The following GRIN2A variants were observed in gnomAD, a reference collection of about 807,000 sequenced individuals.
The protein encoded by GRIN2A is glutamate receptor ionotropic, NMDA 2A.
A neutral mutation model predicts 113.4 loss-of-function variants in GRIN2A; 22 were observed. The observed-to-expected ratio is 0.19, with a 90% CI of 0.14 to 0.28. GRIN2A has a LOEUF of 0.28. Among genes scored for constraint, GRIN2A ranks in the 10% least tolerant of loss-of-function variants. GRIN2A has a pLI of 1.00. For synonymous variants in GRIN2A, 827 were observed against 738.4 expected (o/e 1.12, Z -1.94); for missense variants, 1,502 against 1,887.0 (o/e 0.80, Z 3.78).
chr16:9,765,215 G>A (rs1287512162), intron 12 of GRIN2A, among the ~76,000 whole-genome samples: 7 of 152,160 alleles, frequency 4.6e-5, no homozygotes, highest in South Asian at 2.1e-4. Flanking sequence ...GGTATCAACC[G>A]ATGCTCATAC....
intron 2 of GRIN2A, among the ~76,000 whole-genome samples, chr16:10,071,797 A>G (rs143727482): frequency 1.3e-5 from 2 of 152,334 alleles, no homozygotes; most frequent in East Asian, 3.9e-4. Context: ...ACCCAAGAGG[A>G]GAAGTGGACG....
At chr16:9,947,259 C>T (rs924237282) in intron 2 of GRIN2A, among the ~76,000 whole-genome samples, 1 of 152,026 alleles carries the variant, frequency 6.6e-6, no homozygotes, top group Admixed American at 6.5e-5. Flanking sequence ...TTGTTTTTCT[C>T]TAATATGTGC....
chr16:10,164,580 G>A (rs1234399570), intron 2 of GRIN2A, among the ~76,000 whole-genome samples: 1 of 152,186 alleles, frequency 6.6e-6, no homozygotes, highest in East Asian at 1.9e-4. Flanking sequence ...ACATATTAAA[G>A]CAATGATTGA....
intron 2 of GRIN2A, among the ~76,000 whole-genome samples, chr16:9,952,527 C>A (rs897040963): frequency 1.3e-5 from 2 of 152,208 alleles, no homozygotes; most frequent in South Asian, 4.1e-4. Context: ...GAGGGTAGGT[C>A]CATGCCTCTC....
chr16:9,813,756 A>G (rs1659865672), intron 10 of GRIN2A, among the ~76,000 whole-genome samples: 1 of 151,588 alleles, frequency 6.6e-6, no homozygotes, highest in African/African-American at 2.4e-5. Context: ...AAAACTTTCT[A>G]ACTCTATGAT....
Position 9,764,660 on chromosome 16 carries a change from C to G in GRIN2A, c.2884G>C (p.Glu962Gln), listed in dbSNP as rs765370528. 7.4e-6 allele frequency: 12 copies of G among 1,614,052 alleles called. No individual in the cohort carries two copies. The highest frequency in any genetic ancestry group is 1.0e-5 in the Non-Finnish European group (12 of 1,179,950). ...CGGTTGGCCACAAATGTTTGGAGTT[C>G]GTTCATGTTGTCTCCAAAAATGCTC... The part of the protein sequence containing the change: ...KESIFGDNMN[E>Q]LQTFVANRQK... Residue 962 changes from glutamate (E) to glutamine (Q), a missense_variant, in exon 13 of 13, where the codon GAA (glutamate) becomes CAA (glutamine). Glu to Gln is a conservative substitution (Grantham distance 29). Transcript: ENST00000330684.
At position 9,760,717 on chromosome 16, in the gene GRIN2A, G is replaced by A. The variant is rs1430472566; in HGVS notation, c.*2432C>T. ...ATTTGGCAGCCCCCTGGGTTTAGAG[G>A]ACACCAGAGGAAGACAGAAAGCCTC... On this transcript the variant is annotated 3_prime_UTR_variant, in exon 13 of 13. Transcript: ENST00000330684. 8.8e-6 allele frequency: 2 copies of A among 227,616 alleles called. No homozygotes were observed. Among genetic ancestry groups the A allele is most frequent in the African/African-American group, 2.2e-5 (1 of 45,000 alleles). 14.1% of individuals were successfully genotyped at this position (227,616 alleles called of 1,614,324 possible). A position where few individuals can be genotyped will look rare whatever the true frequency, so the allele number is the denominator to read the frequency against.
chr16:9,845,156 CA>C (rs1009232474), intron 5 of GRIN2A, among the ~76,000 whole-genome samples: 15 of 152,072 alleles, frequency 9.9e-5, no homozygotes, highest in African/African-American at 3.6e-4. Flanking sequence ...CTCATATCCC[CA>C]AGCGGAAGAA....
chr16:10,049,288 C>A (rs539697495), intron 2 of GRIN2A, among the ~76,000 whole-genome samples: 1 of 152,248 alleles, frequency 6.6e-6, no homozygotes, highest in South Asian at 2.1e-4. Context: ...TTTACTCTAT[C>A]TCAGGCACTG....
chr16:9,910,679 A>T (rs1354261604), intron 3 of GRIN2A, among the ~76,000 whole-genome samples: 2 of 151,890 alleles, frequency 1.3e-5, no homozygotes, highest in Non-Finnish European at 2.9e-5. Flanking sequence ...CTGGGACTAC[A>T]GGTGCCCACC....
intron 2 of GRIN2A, chr16:10,112,677 G>C (rs980802244): frequency 2.6e-6 from 2 of 756,988 alleles, no homozygotes; most frequent in Non-Finnish European, 4.9e-6. Context: ...CTTCAGCGAG[G>C]GGGAAAAGGT....
At chr16:10,086,101 T>C (rs7201627) in intron 2 of GRIN2A, among the ~76,000 whole-genome samples, 10,919 of 152,156 alleles carry the variant, frequency 0.072, 559 homozygotes, top group Non-Finnish European at 0.11. Flanking sequence ...ACTCAGAAAG[T>C]GTTTGTTGAA....
intron 2 of GRIN2A, among the ~76,000 whole-genome samples, chr16:9,989,634 T>G (rs912718917): frequency 2.6e-5 from 4 of 151,792 alleles, no homozygotes; most frequent in Admixed American, 1.3e-4. Context: ...ATTTGCAAAC[T>G]AGGTATCCAA....
At position 9,763,155 on chromosome 16, in the gene GRIN2A, A is replaced by G; in HGVS notation, c.4389T>C (p.Asp1463=). 6.2e-7 allele frequency: 1 copy of G among 1,613,786 alleles called. No individual in the cohort carries two copies. Among genetic ancestry groups the G allele is most frequent in the South Asian group, 1.1e-5 (1 of 91,080 alleles). ...AAACATTAATGGAAGATTTTTAAAC[A>G]TCAGATTCGATACTAGGCATTTTCT... is the stretch of plus-strand genomic sequence containing the variant. ...VYKKMPSIES[D]V Residue 1463 remains aspartate (D), a synonymous_variant, in exon 13 of 13, where the codon GAT becomes GAC. Coordinates refer to ENST00000330684, the MANE Select transcript of GRIN2A (RefSeq NM_001134407.3).
intron 3 of GRIN2A, among the ~76,000 whole-genome samples, chr16:9,902,708 T>C (rs961055551): frequency 6.6e-6 from 1 of 152,158 alleles, no homozygotes; most frequent in East Asian, 1.9e-4. Context: ...CACTTCTTTA[T>C]TTTTCCAACT....
intron 2 of GRIN2A, among the ~76,000 whole-genome samples, chr16:10,134,195 G>GAAA (rs71402436): frequency 5.5e-5 from 1 of 18,226 alleles, no homozygotes; most frequent in Admixed American, 6.6e-4. Flanking sequence ...ACTGTTTCCA[G>GAAA]AAAAAAAAAA....
At chr16:9,796,174 TG>T (rs1902970949) in intron 11 of GRIN2A, among the ~76,000 whole-genome samples, 1 of 152,204 alleles carries the variant, frequency 6.6e-6, no homozygotes, top group South Asian at 2.1e-4. Flanking sequence ...CAATGGTGGG[TG>T]GGGCTAGAGT....
At position 9,846,864 on chromosome 16, in the gene GRIN2A, T is replaced by C. The variant is rs541803848; in HGVS notation, c.1328+2892A>G. Among the ~76,000 whole-genome samples the C allele has an allele frequency of 3.9e-5, 6 of 152,328 alleles. No individual in the cohort carries two copies. The East Asian group carries it at 1.2e-3, about 29-fold the overall frequency. ...AGGCCTTTTTCTTCTGTGAGTCTCC[T>C]GTGAGGTGGTGTTTTTGCTTATGTT... On this transcript the variant is annotated intron_variant, in intron 5 of 12. Coordinates refer to ENST00000330684, the MANE Select transcript of GRIN2A (RefSeq NM_001134407.3).
chr16:10,114,136 A>T (rs984400783), intron 2 of GRIN2A, among the ~76,000 whole-genome samples: 41 of 152,294 alleles, frequency 2.7e-4, no homozygotes, highest in African/African-American at 7.5e-4. Flanking sequence ...CGCTGCAGTG[A>T]GCTATGATCA....
Sources: gnomAD v4.1 joint callset for allele counts (sites outside exome capture counted in the v4.1 genomes callset) on GRCh38, gnomAD v4.1.1 for gene constraint, MANE v1.5 for transcripts, NCBI Gene and HGNC (gene_info 2026-07-23, HGNC 2026-07-21) for gene names.